The following FNDC3A variants were observed in gnomAD, a reference collection of about 807,000 sequenced individuals.
The protein encoded by FNDC3A is fibronectin type III domain containing 3A.
FNDC3A carries 32 observed loss-of-function variants against 148.9 expected under a neutral mutation model. That is an observed-to-expected ratio of 0.21 (90% CI 0.16 to 0.29). FNDC3A has a LOEUF of 0.29. Among genes scored for constraint, FNDC3A ranks in the 10% least tolerant of loss-of-function variants. The pLI, the probability that FNDC3A is intolerant of heterozygous loss-of-function variation, is 1.00. For missense variants in FNDC3A, 1,191 were observed against 1,452.8 expected (o/e 0.82, Z 2.93); for synonymous variants, 472 against 473.6 (o/e 1.00, Z 0.04).
intron 8 of FNDC3A, among the ~76,000 whole-genome samples, chr13:49,164,555 G>C (rs946090693): frequency 6.6e-6 from 1 of 151,642 alleles, no homozygotes; most frequent in African/African-American, 2.4e-5. Context: ...ATATTTGGTT[G>C]CTTTATAGTG....
chr13:49,158,593 A>C (rs759687797), intron 8 of FNDC3A, among the ~76,000 whole-genome samples: 9 of 152,096 alleles, frequency 5.9e-5, no homozygotes, highest in African/African-American at 1.2e-4. Context: ...ATGGTAGTTT[A>C]TTTTGCTGTG....
intron 3 of FNDC3A, among the ~76,000 whole-genome samples, chr13:49,090,962 C>G (rs551639533): frequency 1.4e-3 from 218 of 152,276 alleles, no homozygotes; most frequent in Non-Finnish European, 2.2e-3. Context: ...CTGTTGCACT[C>G]CAGCCTGGGC....
At chr13:49,198,623 T>A (rs200198624) in intron 23 of FNDC3A, 49 bp downstream of exon 23, 2 of 1,415,544 alleles carry the variant, frequency 1.4e-6, no homozygotes, top group Non-Finnish European at 2.0e-6. Flanking sequence ...GTCTTAAGTA[T>A]ATACATTTCT....
chr13:49,094,476 G>A (rs1190136055), intron 3 of FNDC3A, among the ~76,000 whole-genome samples: 1 of 152,052 alleles, frequency 6.6e-6, no homozygotes, highest in Non-Finnish European at 1.5e-5. Context: ...AGATTATGTA[G>A]AAGATAGAGT....
chr13:49,124,181 G>A (rs1166349514), intron 4 of FNDC3A, among the ~76,000 whole-genome samples: 1 of 152,168 alleles, frequency 6.6e-6, no homozygotes, highest in Admixed American at 6.5e-5. Flanking sequence ...ATGAATTCAT[G>A]TCCTTTGCAG....
At chr13:49,165,151 A>C (rs1884383577) in intron 8 of FNDC3A, among the ~76,000 whole-genome samples, 1 of 152,164 alleles carries the variant, frequency 6.6e-6, no homozygotes, top group Non-Finnish European at 1.5e-5. Flanking sequence ...CAAATTTATA[A>C]TCTGGGATTT....
intron 1 of FNDC3A, among the ~76,000 whole-genome samples, chr13:48,979,883 C>A (rs1218224503): frequency 6.6e-6 from 1 of 152,074 alleles, no homozygotes; most frequent in East Asian, 1.9e-4. Flanking sequence ...TCTCAAGAGC[C>A]AAACAAAAAC....
intron 2 of FNDC3A, among the ~76,000 whole-genome samples, chr13:49,027,390 A>G (rs1248454292): frequency 1.3e-5 from 2 of 152,236 alleles, no homozygotes; most frequent in African/African-American, 2.4e-5. Context: ...TGTTCACAAG[A>G]CAGTTGAGTA....
intron 1 of FNDC3A, among the ~76,000 whole-genome samples, chr13:49,003,887 C>T (rs1310566788): frequency 6.6e-6 from 1 of 152,094 alleles, no homozygotes; most frequent in Non-Finnish European, 1.5e-5. Context: ...TAATATTTCA[C>T]ATTATTGCTA....
chr13:49,177,949 C>A (rs1405440386), intron 13 of FNDC3A, among the ~76,000 whole-genome samples: 1 of 152,146 alleles, frequency 6.6e-6, no homozygotes, highest in Non-Finnish European at 1.5e-5. Context: ...AGTTGCACAA[C>A]TTTGTGAATA....
chr13:49,110,405 T>A, intron 3 of FNDC3A: 1 of 1,589,798 alleles, frequency 6.3e-7, no homozygotes, highest in Non-Finnish European at 8.6e-7. Context: ...ACGAAATGAG[T>A]GGTAAGATTT....
chr13:49,168,691 T>C lies in FNDC3A; in HGVS notation c.1116T>C (p.Asp372=). Residue 372 remains aspartate, a synonymous_variant, in exon 10 of 26, where the codon GAT becomes GAC. Coordinates refer to ENST00000492622, the MANE Select transcript of FNDC3A (RefSeq NM_001079673.2). ...TTACCACCTTGAGCTGTGAACCTGA[T>C]ATACCTAATCCACCAAGGATAGCCA... The part of the protein sequence containing the change: ...EIFTTLSCEP[D]IPNPPRIANR... 3 of 1,613,220 alleles carry C rather than the reference T, an allele frequency of 1.9e-6. No homozygotes were observed. Among genetic ancestry groups the C allele is most frequent in the Non-Finnish European group, 2.5e-6 (3 of 1,179,228 alleles).
chr13:49,053,515 C>T (rs545246737), intron 2 of FNDC3A, among the ~76,000 whole-genome samples: 1 of 152,176 alleles, frequency 6.6e-6, no homozygotes, highest in East Asian at 1.9e-4. Flanking sequence ...AGACATGAGA[C>T]ATCAGTCAGT....
At chr13:49,023,132 A>G (rs1409778997) in intron 2 of FNDC3A, among the ~76,000 whole-genome samples, 1 of 152,060 alleles carries the variant, frequency 6.6e-6, no homozygotes, top group Non-Finnish European at 1.5e-5. Flanking sequence ...AAGATAGTCT[A>G]AAGGGAAGAA....
rs1421218568 is a variant in FNDC3A at position 49,197,913 on chromosome 13, G to C, written c.2490+39G>C. The stretch of plus-strand genomic sequence containing the variant: ...GTACCTTGTCACTTAACTCTATCCA[G>C]AGTTTTATATTTCATTGGCATTTTC... On this transcript the variant is annotated intron_variant, in intron 21 of 25. Transcript: ENST00000492622. 3 of 1,589,116 alleles carry C rather than the reference G, an allele frequency of 1.9e-6. No individual in the cohort carries two copies. In the African/African-American group the frequency reaches 4.1e-5, roughly 22 times the overall value.
chr13:49,125,489 G>A (rs1190360416), intron 4 of FNDC3A, among the ~76,000 whole-genome samples: 1 of 152,186 alleles, frequency 6.6e-6, no homozygotes, highest in Non-Finnish European at 1.5e-5. Context: ...AGTTGGAATA[G>A]TTCTGGGTTC....
At chr13:49,040,517 A>G (rs574125431) in intron 2 of FNDC3A, among the ~76,000 whole-genome samples, 2 of 152,354 alleles carry the variant, frequency 1.3e-5, no homozygotes, top group East Asian at 1.9e-4. Flanking sequence ...GGAGAGAAAC[A>G]TAGTGCAGAA....
At chr13:49,075,470 C>T (rs528981452) in intron 3 of FNDC3A, 106 bp downstream of exon 3, 26 of 639,528 alleles carry the variant, frequency 4.1e-5, no homozygotes, top group African/African-American at 7.5e-5. Context: ...TTCTCACTAC[C>T]AGCACACAAA....
chr13:49,209,165 T>TA lies in FNDC3A; in HGVS notation c.*1770_*1771insA, dbSNP rs1886784921. 1 of 152,748 alleles carries TA rather than the reference T, an allele frequency of 6.5e-6. No individual in the cohort carries two copies. Among genetic ancestry groups the TA allele is most frequent in the African/African-American group, 2.4e-5 (1 of 41,586 alleles). 9.5% of individuals were successfully genotyped at this position (152,748 alleles called of 1,614,324 possible). ...AGAAACTTCTTTAAAGTGCCACATT[T>TA]GGCAGTACAAATGAGTCTGAGTGTA... On this transcript the variant is annotated 3_prime_UTR_variant, in exon 26 of 26. Transcript: ENST00000492622.
Sources: allele counts gnomAD v4.1 joint callset (sites outside exome capture counted in the v4.1 genomes callset), GRCh38; gene constraint gnomAD v4.1.1; transcripts MANE v1.5; gene names NCBI Gene and HGNC (gene_info 2026-07-23, HGNC 2026-07-21).